The following DSTN variants were observed in gnomAD, a reference collection of about 807,000 sequenced individuals.
DSTN encodes the protein destrin, actin depolymerizing factor.
Under a neutral mutation model 16.8 loss-of-function variants are expected in DSTN, and 10 were observed. The ratio of observed to expected loss-of-function variants is 0.60; its 90% CI spans 0.37 to 1.01. The LOEUF is 1.01. Among genes scored for constraint, DSTN ranks in the 50% least tolerant of loss-of-function variants. The pLI is 0.01. For missense variants in DSTN, 141 were observed against 196.7 expected (o/e 0.72, Z 1.69); for synonymous variants, 57 against 58.9 (o/e 0.97, Z 0.14).
intron 2 of DSTN, among the ~76,000 whole-genome samples, chr20:17,603,246 A>G (rs1427528326): frequency 6.6e-6 from 1 of 152,184 alleles, no homozygotes; most frequent in Non-Finnish European, 1.5e-5. Context: ...TCCTGGAAAT[A>G]TGGCAGCTAA....
rs1302318797 is a variant in DSTN at position 17,570,192 on chromosome 20, C to T, written c.-17C>T. The T allele has an allele frequency of 4.6e-6, 7 of 1,518,190 alleles. No homozygotes were observed. The highest frequency in any genetic ancestry group is 2.2e-4 in the Middle Eastern group (1 of 4,548). The allele number at this position is 1,518,190 out of a possible 1,614,324, so 94.0% of individuals were successfully genotyped here. ...GCCGGCTCCCTCCCCCGCGTCCCTG[C>T]GACCGCCGCGGCGAAGATGGTGAGT... On this transcript the variant is annotated 5_prime_UTR_variant, in exon 1 of 4. Transcript: ENST00000246069.
intron 2 of DSTN, among the ~76,000 whole-genome samples, chr20:17,603,321 C>T (rs750890160): frequency 6.6e-6 from 1 of 152,172 alleles, no homozygotes; most frequent in African/African-American, 2.4e-5. Flanking sequence ...CTCCAGTAGG[C>T]TCTTGGAAAC....
chr20:17,602,233 G>A (rs1415305574), intron 2 of DSTN, among the ~76,000 whole-genome samples: 1 of 152,200 alleles, frequency 6.6e-6, no homozygotes, highest in Non-Finnish European at 1.5e-5. Flanking sequence ...ATTGAAGCTG[G>A]TACATAAGAC....
chr20:17,578,692 G>A (rs2035308054), intron 1 of DSTN, among the ~76,000 whole-genome samples: 1 of 152,178 alleles, frequency 6.6e-6, no homozygotes, highest in African/African-American at 2.4e-5. Context: ...CGGGCGTGGT[G>A]GCTCACGCCT....
chr20:17,595,780 G>C (rs1200176702), intron 1 of DSTN, among the ~76,000 whole-genome samples: 1 of 152,108 alleles, frequency 6.6e-6, no homozygotes, highest in African/African-American at 2.4e-5. Flanking sequence ...TTGTGATTTA[G>C]AAGTGTCTAG....
chr20:17,575,980 G>T (rs939460650), intron 1 of DSTN, among the ~76,000 whole-genome samples: 1 of 152,206 alleles, frequency 6.6e-6, no homozygotes, highest in Non-Finnish European at 1.5e-5. Context: ...GATGTTGGAA[G>T]TGAGAAGTTT....
At chr20:17,596,907 ATGTT>A (rs772662643) in intron 1 of DSTN, 1 of 732,338 alleles carries the variant, frequency 1.4e-6, no homozygotes, top group Non-Finnish European at 1.7e-6. Flanking sequence ...AGAATTTAGA[ATGTT>A]TGAGATGCTT....
chr20:17,574,116 A>G (rs1333514527), intron 1 of DSTN, among the ~76,000 whole-genome samples: 1 of 152,174 alleles, frequency 6.6e-6, no homozygotes, highest in African/African-American at 2.4e-5. Flanking sequence ...AGGTGGGAGT[A>G]TTGCTTGAGC....
In DSTN at chr20:17,608,850, C is replaced by T. The variant is rs2035670329; in HGVS notation, c.*1704C>T. ...GCTGTGCATTATTACATGTCAAAGACTGCATATACTATGGTGGTCCCATAC... is the reference window on the plus strand; with the variant it reads ...GCTGTGCATTATTACATGTCAAAGATTGCATATACTATGGTGGTCCCATAC... On this transcript the variant is annotated 3_prime_UTR_variant, in exon 4 of 4. Coordinates refer to ENST00000246069, the MANE Select transcript of DSTN (RefSeq NM_006870.4). The T allele has an allele frequency of 6.6e-6, 1 of 152,188 alleles. No individual in the cohort carries two copies. The highest frequency in any genetic ancestry group is 1.5e-5 in the Non-Finnish European group (1 of 68,050). The allele number at this position is 152,188 out of a possible 1,614,324, so 9.4% of individuals were successfully genotyped here.
chr20:17,604,850 T>C (rs551228442), intron 3 of DSTN, among the ~76,000 whole-genome samples: 4 of 152,356 alleles, frequency 2.6e-5, no homozygotes, highest in South Asian at 4.1e-4. Context: ...TTAATAACTA[T>C]ACCCTTGACA....
chr20:17,600,125 CTTTAT>C (rs2035570858), intron 1 of DSTN, among the ~76,000 whole-genome samples: 1 of 152,126 alleles, frequency 6.6e-6, no homozygotes, highest in Non-Finnish European at 1.5e-5. Flanking sequence ...AAGCTACCCT[CTTTAT>C]TATAGCAGTA....
chr20:17,575,763 A>G (rs1223223079), intron 1 of DSTN, among the ~76,000 whole-genome samples: 2 of 152,190 alleles, frequency 1.3e-5, no homozygotes, highest in Non-Finnish European at 2.9e-5. Flanking sequence ...CCTGGGCTCA[A>G]GTGATCCACC....
intron 3 of DSTN, among the ~76,000 whole-genome samples, chr20:17,606,125 T>A (rs1444926205): frequency 6.6e-6 from 1 of 150,902 alleles, no homozygotes; most frequent in Non-Finnish European, 1.5e-5. Flanking sequence ...AAAAAAAAGA[T>A]AGTGACCATG....
chr20:17,600,600 C>A, intron 1 of DSTN, 138 bp from the exon 2 acceptor site: 1 of 1,049,050 alleles, frequency 9.5e-7, no homozygotes, highest in Non-Finnish European at 1.3e-6. Context: ...GTGATTACAG[C>A]TCAAATTTCT....
intron 1 of DSTN, among the ~76,000 whole-genome samples, chr20:17,587,674 T>C (rs16999442): frequency 0.022 from 3,421 of 152,112 alleles, 114 homozygotes; most frequent in African/African-American, 0.078. Context: ...GACTTTGATA[T>C]TAGAGGCATT....
Position 17,570,104 on chromosome 20 carries a change from A to G in DSTN, c.-105A>G, listed in dbSNP as rs965004700. 4.1e-6 allele frequency: 6 copies of G among 1,478,046 alleles called. No individual in the cohort carries two copies. Among genetic ancestry groups the G allele is most frequent in the Non-Finnish European group, 5.4e-6 (6 of 1,117,466 alleles). The allele number at this position is 1,478,046 out of a possible 1,614,324, so 91.6% of individuals were successfully genotyped here. A position where few individuals can be genotyped will look rare whatever the true frequency, so the allele number is the denominator to read the frequency against. ...CGGGGTAAGCTCGCGCCGCCGCGTC[A>G]GCTCAGCGCTGGGTCTCTCGGTCCC... On this transcript the variant is annotated 5_prime_UTR_variant, in exon 1 of 4. Transcript: ENST00000246069.
At chr20:17,577,844 A>G (rs1199446182) in intron 1 of DSTN, among the ~76,000 whole-genome samples, 1 of 152,232 alleles carries the variant, frequency 6.6e-6, no homozygotes, top group Non-Finnish European at 1.5e-5. Context: ...TAGATATGAT[A>G]AAATTTACAT....
intron 1 of DSTN, chr20:17,591,801 G>A: frequency 5.4e-6 from 4 of 743,920 alleles, no homozygotes; most frequent in Non-Finnish European, 6.6e-6. Context: ...CTAGTTAGTA[G>A]AGGAATGGGG....
chr20:17,587,893 A>G (rs2035428346), intron 1 of DSTN, among the ~76,000 whole-genome samples: 1 of 152,234 alleles, frequency 6.6e-6, no homozygotes, highest in Non-Finnish European at 1.5e-5. Context: ...CTTCAGCTTT[A>G]TTAGCCACAC....
Sources: gnomAD v4.1 joint callset for allele counts (sites outside exome capture counted in the v4.1 genomes callset) on GRCh38, gnomAD v4.1.1 for gene constraint, MANE v1.5 for transcripts, NCBI Gene and HGNC (gene_info 2026-07-23, HGNC 2026-07-21) for gene names.